Variants in CLCNKA observed in about 807,000 individuals in gnomAD.
CLCNKA encodes chloride channel protein ClC-Ka.
A neutral mutation model predicts 83.3 loss-of-function variants in CLCNKA; 66 were observed. The observed-to-expected ratio is 0.79, with a 90% CI of 0.65 to 0.97. The LOEUF (loss-of-function observed/expected upper bound fraction) is 0.97. Ranked by LOEUF, CLCNKA falls within the 50% of genes least tolerant of loss-of-function variation. The probability of loss-of-function intolerance (pLI) is 0.00; values close to 1 mark genes in which losing one functional copy is unlikely to be tolerated. For missense variants in CLCNKA, 806 were observed against 888.7 expected, an observed-to-expected ratio of 0.91 and a Z score of 1.18; for synonymous variants, 357 against 370.4, an observed-to-expected ratio of 0.96 and a Z score of 0.42.
At chr1:16,022,557 C>G in intron 1 of CLCNKA, 56 bp from the exon 2 acceptor site, 1 of 1,322,280 alleles carries the variant, frequency 7.6e-7, no homozygotes, top group Non-Finnish European at 1.0e-6. Context: ...GGCCCAGAGG[C>G]AGCGCGAGGA....
At position 16,022,669 on chromosome 1, in the gene CLCNKA, C is replaced by T; in HGVS notation, c.50C>T (p.Thr17Ile). ...LREGFSGDPV[T>I]LQELWGPCPH... Reference sequence around the variant, plus strand: ...GAGGGCTTCTCAGGGGACCCTGTGACTCTGCAGGAGCTGTGGGGCCCCTGT... The same window carrying T: ...GAGGGCTTCTCAGGGGACCCTGTGATTCTGCAGGAGCTGTGGGGCCCCTGT... Residue 17 changes from threonine (T) to isoleucine (I), a missense_variant, in exon 2 of 20, where the codon ACT becomes ATT. Physicochemically the swap from Thr to Ile is moderately conservative, Grantham distance 89. Transcript: ENST00000331433. 3 of 1,566,796 alleles carry T rather than the reference C, an allele frequency of 1.9e-6. No homozygotes were observed. In the South Asian group the frequency reaches 3.6e-5, roughly 19 times the overall value.
In CLCNKA at chr1:16,033,733, C is replaced by T; in HGVS notation, c.*75C>T. 3 of 1,412,552 alleles carry T rather than the reference C, an allele frequency of 2.1e-6. No homozygotes were observed. Among genetic ancestry groups the T allele is most frequent in the Non-Finnish European group, 2.0e-6 (2 of 1,000,404 alleles). The allele number at this position is 1,412,552 out of a possible 1,614,324, so 87.5% of individuals were successfully genotyped here. ...GTTGGGCTGAGACCCTGCTTCTCTT[C>T]CCCCATCACCACCTGCCCCTCCCTC... On this transcript the variant is annotated 3_prime_UTR_variant, in exon 20 of 20. Transcript: ENST00000331433.
intron 18 of CLCNKA, 97 bp downstream of exon 18, chr1:16,032,623 C>T (rs1417706983): frequency 9.5e-6 from 9 of 946,702 alleles, no homozygotes; most frequent in South Asian, 8.2e-5. Flanking sequence ...AACCCCGCCC[C>T]GCCCATCTTA....
chr1:16,024,922 G>A, intron 4 of CLCNKA, 31 bp downstream of exon 4: 1 of 1,613,682 alleles, frequency 6.2e-7, no homozygotes. Context: ...CCAGTCCCCA[G>A]TGCCAAAACC....
chr1:16,029,718 C>T lies in CLCNKA; in HGVS notation c.1228-13C>T, dbSNP rs773659264. The T allele has an allele frequency of 6.2e-7, 1 of 1,614,122 alleles. No individual in the cohort carries two copies. The highest frequency in any genetic ancestry group is 8.5e-7 in the Non-Finnish European group (1 of 1,180,022). On this transcript the variant is annotated splice_polypyrimidine_tract_variant and intron_variant, in intron 12 of 19. Coordinates refer to ENST00000331433, the MANE Select transcript of CLCNKA (RefSeq NM_004070.4). ...GGCCTCTAACCTCTGCCCTGGGCTC[C>T]CCCTTCCTGCAGTTCTGGATGCTGA...
rs755549952 is a variant in CLCNKA at position 16,027,460 on chromosome 1, C to G, written c.781+25C>G. 16 of 1,612,310 alleles carry G rather than the reference C, an allele frequency of 9.9e-6. No individual in the cohort carries two copies. In the East Asian group the frequency reaches 1.8e-4, roughly 18 times the overall value. The stretch of plus-strand genomic sequence containing the variant: ...GGTGAGCCCCCTGGGCTGCCTGACC[C>G]TGGCCCTGCCTGGGGGCCGGGGCGA... On this transcript the variant is annotated intron_variant, in intron 8 of 19. Coordinates refer to ENST00000331433, the MANE Select transcript of CLCNKA (RefSeq NM_004070.4).
rs766101234 is a variant in CLCNKA at position 16,030,001 on chromosome 1, C to T, written c.1334C>T (p.Ala445Val). Reference sequence around the variant, plus strand: ...GGGCGCCTCTTGGGAGAGGCTCTTGCCGTCGCCTTCCCTGAGGGCATTGTG... The same window carrying T: ...GGGCGCCTCTTGGGAGAGGCTCTTGTCGTCGCCTTCCCTGAGGGCATTGTG... ...AIGRLLGEALAVAFPEGIVTG... is the reference protein window; with the variant it reads ...AIGRLLGEALVVAFPEGIVTG... The change falls in exon 14 of 20, where the codon GCC becomes GTC. Residue 445 changes from alanine (A) to valine (V), a missense_variant. By Grantham distance (64) the Ala-to-Val change is moderately conservative. Coordinates refer to ENST00000331433, the MANE Select transcript of CLCNKA (RefSeq NM_004070.4). 2.5e-6 allele frequency: 4 copies of T among 1,611,238 alleles called. No individual in the cohort carries two copies. The South Asian group carries it at 3.3e-5, about 13-fold the overall frequency.
Position 16,023,912 on chromosome 1 carries a change from C to T in CLCNKA, c.213C>T (p.Ile71=), listed in dbSNP as rs373277609. ...TCAGCTATGCCATGAACTTTGCCAT[C>T]GGGTGTGTGGTCCGAGGTAACTCTT... ...ALVSYAMNFA[I]GCVVRAHQWL... is the part of the protein sequence containing the mutation. Residue 71 remains isoleucine, a synonymous_variant, in exon 3 of 20, where the codon ATC becomes ATT. Transcript: ENST00000331433. 171 of 1,614,010 alleles carry T rather than the reference C, an allele frequency of 1.1e-4. No individual in the cohort carries two copies. Among genetic ancestry groups the T allele is most frequent in the Non-Finnish European group, 1.3e-4 (154 of 1,180,004 alleles).
intron 2 of CLCNKA, among the ~76,000 whole-genome samples, chr1:16,023,186 T>G (rs1461898780): frequency 6.6e-6 from 1 of 152,176 alleles, no homozygotes; most frequent in Non-Finnish European, 1.5e-5. Context: ...GCAGTGCCAG[T>G]GGCTGGTGCC....
intron 7 of CLCNKA, 165 bp downstream of exon 7, chr1:16,026,940 G>C (rs1215303425): frequency 5.4e-6 from 5 of 923,298 alleles, no homozygotes; most frequent in Non-Finnish European, 8.4e-6. Context: ...CGGCGGGGCG[G>C]GGCGGGTGGT....
chr1:16,027,287 C>A, intron 7 of CLCNKA, 23 bp from the exon 8 acceptor site: 1 of 1,612,318 alleles, frequency 6.2e-7, no homozygotes. Flanking sequence ...TGGGGGCCCA[C>A]CTGACATCAG....
At chr1:16,033,341 T>C in intron 19 of CLCNKA, 85 bp downstream of exon 19, 1 of 1,427,872 alleles carries the variant, frequency 7.0e-7, no homozygotes, top group Admixed American at 1.7e-5. Context: ...GACACCAGCA[T>C]GCTCCCATCC....
At chr1:16,027,280 G>A in intron 7 of CLCNKA, 30 bp from the exon 8 acceptor site, 2 of 1,612,054 alleles carry the variant, frequency 1.2e-6, no homozygotes, top group Admixed American at 1.7e-5. Flanking sequence ...GTGGGGGTGG[G>A]GGCCCACCTG....
rs1557458327 is a variant in CLCNKA at position 16,033,185 on chromosome 1, A to G, written c.1945A>G (p.Lys649Glu). Residue 649 changes from lysine to glutamate, a missense_variant, in exon 19 of 20, where the codon AAG becomes GAG. Physicochemically the swap from Lys to Glu is moderately conservative, Grantham distance 56. Coordinates refer to ENST00000331433, the MANE Select transcript of CLCNKA (RefSeq NM_004070.4). Reference sequence around the variant, plus strand: ...CCCCATCCAGGCACAAAACCTCTTTAAGCTGTTGAACCTTCAGTCCCTCTT... The same window carrying G: ...CCCCATCCAGGCACAAAACCTCTTTGAGCTGTTGAACCTTCAGTCCCTCTT... ...TTLHQAQNLF[K>E]LLNLQSLFVT... The G allele has an allele frequency of 3.1e-6, 5 of 1,614,128 alleles. No homozygotes were observed. The Admixed American group carries it at 5.0e-5, about 16-fold the overall frequency.
chr1:16,029,626 C>T (rs553104034), intron 12 of CLCNKA, 105 bp from the exon 13 acceptor site: 1 of 1,442,988 alleles, frequency 6.9e-7, no homozygotes, highest in African/African-American at 1.4e-5. Flanking sequence ...ATGGCTGGCA[C>T]CCTCTTTCTA....
intron 10 of CLCNKA, among the ~76,000 whole-genome samples, 175 bp downstream of exon 10, chr1:16,028,294 G>C (rs2022466324): frequency 1.6e-5 from 2 of 125,994 alleles, no homozygotes; most frequent in South Asian, 2.4e-4. Context: ...CTTCCTTACT[G>C]GGCTACGAAC....
In CLCNKA at chr1:16,026,585, T is replaced by A; in HGVS notation, c.548T>A (p.Val183Glu). 1.2e-6 allele frequency: 2 copies of A among 1,613,962 alleles called. No homozygotes were observed. The highest frequency in any genetic ancestry group is 1.7e-6 in the Non-Finnish European group (2 of 1,179,982). The change falls in exon 6 of 20, where the codon GTG (valine) becomes GAG (glutamate). Residue 183 changes from valine to glutamate, a missense_variant. Val to Glu is a moderately radical substitution (Grantham distance 121). Transcript: ENST00000331433. ...SVMIAAYLGR[V>E]RTTTIGEPEN... ...ATGATCGCTGCCTACCTGGGCCGTG[T>A]GCGCACCACGACCATCGGGGAGCCT...
At chr1:16,029,358 C>CG (rs764415252) in intron 12 of CLCNKA, 59 bp downstream of exon 12, 1 of 1,611,356 alleles carries the variant, frequency 6.2e-7, no homozygotes, top group Non-Finnish European at 8.5e-7. Flanking sequence ...TGGGGAGGGG[C>CG]GGGGGTGCCT....
Position 16,029,734 on chromosome 1 carries a change from T to C in CLCNKA, c.1231T>C (p.Trp411Arg). 1 of 1,614,150 alleles carries C rather than the reference T, an allele frequency of 6.2e-7. No individual in the cohort carries two copies. Among genetic ancestry groups the C allele is most frequent in the Non-Finnish European group, 8.5e-7 (1 of 1,180,028 alleles). Residue 411 changes from tryptophan to arginine, a missense_variant, in exon 13 of 20, where the codon TGG becomes CGG. Coordinates refer to ENST00000331433, the MANE Select transcript of CLCNKA (RefSeq NM_004070.4). ...TLAFFLVMKF[W>R]MLILATTIPM... ...CCTGGGCTCCCCCTTCCTGCAGTTCTGGATGCTGATTCTGGCCACCACCAT... is the reference window on the plus strand; with the variant it reads ...CCTGGGCTCCCCCTTCCTGCAGTTCCGGATGCTGATTCTGGCCACCACCAT...
Sources: allele counts gnomAD v4.1 joint callset (sites outside exome capture counted in the v4.1 genomes callset), GRCh38; gene constraint gnomAD v4.1.1; transcripts MANE v1.5; gene names NCBI Gene and HGNC (gene_info 2026-07-23, HGNC 2026-07-21).